SUGP2: variants seen among roughly 807,000 people sequenced by gnomAD.
The protein encoded by SUGP2 is SURP and G-patch domain containing 2.
In SUGP2, 24 loss-of-function variants were observed where a neutral mutation model predicts 90.5. That is an observed-to-expected ratio of 0.27 (90% CI 0.19 to 0.37). The LOEUF (loss-of-function observed/expected upper bound fraction) is 0.37, where lower values mean the gene tolerates loss of function less well. Ranked by LOEUF, SUGP2 falls within the 10% of genes least tolerant of loss-of-function variation. The pLI is 1.00. For synonymous variants in SUGP2, 473 were observed against 513.4 expected, an observed-to-expected ratio of 0.92 and a Z score of 1.06; for missense variants, 1,233 against 1,363.3, an observed-to-expected ratio of 0.90 and a Z score of 1.51.
At chr19:19,010,366 G>A (rs781493726) in intron 4 of SUGP2, 24 bp from the exon 5 acceptor site, 26 of 1,596,656 alleles carry the variant, frequency 1.6e-5, no homozygotes, top group Admixed American at 6.8e-5. Context: ...CAAGCATAAC[G>A]GGACATTTAT....
Position 19,031,030 on chromosome 19 carries a change from T to C in SUGP2, c.42A>G (p.Val14=). The C allele has an allele frequency of 2.5e-6, 4 of 1,614,046 alleles. No individual in the cohort carries two copies. Among genetic ancestry groups the C allele is most frequent in the Non-Finnish European group, 3.4e-6 (4 of 1,180,016 alleles). The change falls in exon 2 of 11, where the codon GTA becomes GTG. Residue 14 remains valine (V), a synonymous_variant. Coordinates refer to ENST00000452918, the MANE Select transcript of SUGP2 (RefSeq NM_001017392.5). ...RRITQETFDA[V]LQEKAKRYHM... The stretch of plus-strand genomic sequence containing the variant: ...GATATCGTTTGGCTTTTTCTTGTAA[T>C]ACAGCATCAAAAGTCTCCTGTGTAA...
intron 10 of SUGP2, 155 bp downstream of exon 10, chr19:18,994,211 T>C (rs996185498): frequency 3.8e-5 from 39 of 1,039,542 alleles, no homozygotes; most frequent in East Asian, 2.0e-4. Context: ...TCCACATCCA[T>C]AGACCCTTTT....
chr19:19,004,962 T>G (rs2058004773), intron 6 of SUGP2, among the ~76,000 whole-genome samples: 1 of 152,224 alleles, frequency 6.6e-6, no homozygotes, highest in South Asian at 2.1e-4. Flanking sequence ...TCTCACCCTT[T>G]CTGGTTACAT....
chr19:19,009,915 G>A lies in SUGP2; in HGVS notation c.2278C>T (p.Pro760Ser). The change falls in exon 5 of 11, where the codon CCA becomes TCA. Residue 760 changes from proline to serine, a missense_variant. By Grantham distance (74) the Pro-to-Ser change is moderately conservative. This residue lies in a region of SUGP2 where 540 missense variants were observed against 542.6 expected (regional missense o/e 1.00). Transcript: ENST00000452918. ...SLEASGPSPK[P>S]AGVDISEAPQ... ...GCTTCAGAGATGTCCACTCCTGCTGGCTTGGGGGATGGGCCTGAGGCTTCT... is the reference window on the plus strand; with the variant it reads ...GCTTCAGAGATGTCCACTCCTGCTGACTTGGGGGATGGGCCTGAGGCTTCT... The A allele has an allele frequency of 6.2e-7, 1 of 1,614,172 alleles. No homozygotes were observed. Among genetic ancestry groups the A allele is most frequent in the South Asian group, 1.1e-5 (1 of 91,080 alleles).
At chr19:19,003,293 C>T (rs911175345) in intron 7 of SUGP2, among the ~76,000 whole-genome samples, 8 of 152,132 alleles carry the variant, frequency 5.3e-5, no homozygotes, top group African/African-American at 1.2e-4. Context: ...TAACACAGTC[C>T]CACAATGGGG....
intron 5 of SUGP2, among the ~76,000 whole-genome samples, chr19:19,009,222 T>A (rs2058207445): frequency 6.6e-6 from 1 of 152,168 alleles, no homozygotes; most frequent in East Asian, 1.9e-4. Context: ...TGATGCCTCC[T>A]GTTTTAAGCC....
rs2145453018 is a variant in SUGP2, at chr19:19,008,350, C to T, written c.2417G>A (p.Ser806Asn). ...AQVGPEIEQF[S>N]IENSTDNPDL... ...AGGGTTATCGGTGCTGTTTTCTATG[C>T]TGAATTGTTCGATCTCTGGTCCCAC... Residue 806 changes from serine to asparagine, a missense_variant, in exon 6 of 11, where the codon AGC becomes AAC. Transcript: ENST00000452918. 1 of 1,614,168 alleles carries T rather than the reference C, an allele frequency of 6.2e-7. No individual in the cohort carries two copies. The highest frequency in any genetic ancestry group is 8.5e-7 in the Non-Finnish European group (1 of 1,180,016).
chr19:19,011,706 G>A (rs190872191), intron 4 of SUGP2, among the ~76,000 whole-genome samples: 2 of 151,858 alleles, frequency 1.3e-5, no homozygotes, highest in Admixed American at 6.6e-5. Context: ...CATACATAAC[G>A]AACTTTTAAG....
intron 3 of SUGP2, among the ~76,000 whole-genome samples, chr19:19,020,583 A>G (rs1319315289): frequency 6.6e-6 from 1 of 151,518 alleles, no homozygotes; most frequent in Admixed American, 6.6e-5. Flanking sequence ...AGCTGGGATT[A>G]CAGACATGCG....
rs188632905 is a variant in SUGP2 at position 19,009,092 on chromosome 19, T to C, written c.2339-664A>G. Among the ~76,000 whole-genome samples, 341 of 152,008 alleles carry C rather than the reference T, an allele frequency of 2.2e-3. 1 individual carries two copies. Among genetic ancestry groups the C allele is most frequent in the South Asian group, 0.017 (81 of 4,804 alleles). ...ACGCCCAGCTAATTTTTTGTATTTT[T>C]AGTAGAGATCGGGTTTCACCATGTT... On this transcript the variant is annotated intron_variant, in intron 5 of 10. Coordinates refer to ENST00000452918, the MANE Select transcript of SUGP2 (RefSeq NM_001017392.5).
chr19:19,011,214 T>G (rs915855734), intron 4 of SUGP2, among the ~76,000 whole-genome samples: 21 of 151,444 alleles, frequency 1.4e-4, no homozygotes, highest in African/African-American at 4.8e-4. Context: ...ATGAGTTGAT[T>G]ACAGCTCACC....
chr19:19,027,004 G>A (rs1213278667), intron 2 of SUGP2, among the ~76,000 whole-genome samples: 1 of 152,190 alleles, frequency 6.6e-6, no homozygotes. Flanking sequence ...AATGGGCCAG[G>A]CACAGTGGCT....
chr19:19,031,265 G>A (rs1404058502), intron 1 of SUGP2, among the ~76,000 whole-genome samples, 183 bp from the exon 2 acceptor site: 1 of 152,080 alleles, frequency 6.6e-6, no homozygotes, highest in Non-Finnish European at 1.5e-5. Context: ...TGGGTGTGGT[G>A]GCTCACACCT....
intron 2 of SUGP2, among the ~76,000 whole-genome samples, chr19:19,030,509 C>G (rs981146593): frequency 6.6e-6 from 1 of 151,972 alleles, no homozygotes; most frequent in Admixed American, 6.6e-5. Context: ...AGTGAAACTC[C>G]GTCTCAAAAC....
At chr19:18,996,057 G>A (rs2057568399) in intron 8 of SUGP2, among the ~76,000 whole-genome samples, 1 of 152,192 alleles carries the variant, frequency 6.6e-6, no homozygotes. Context: ...GCCCAGCTGG[G>A]CAGTCCAAGA....
chr19:18,994,487 C>T lies in SUGP2; in HGVS notation c.3129-1G>A. On this transcript the variant is annotated splice_acceptor_variant, in intron 9 of 10. Coordinates refer to ENST00000452918, the MANE Select transcript of SUGP2 (RefSeq NM_001017392.5). LOFTEE classifies it high-confidence loss of function. ...CCCTTCCCCTTCCGAGGGGGTTCCC[C>T]TAGGGAGTGAAAAAGAGAGTCAGTT... is the stretch of plus-strand genomic sequence containing the variant. The T allele has an allele frequency of 6.2e-7, 1 of 1,613,550 alleles. No homozygotes were observed. Among genetic ancestry groups the T allele is most frequent in the Non-Finnish European group, 8.5e-7 (1 of 1,179,708 alleles).
intron 8 of SUGP2, 142 bp downstream of exon 8, chr19:19,001,471 A>T: frequency 1.2e-6 from 1 of 841,882 alleles, no homozygotes; most frequent in East Asian, 2.6e-5. Context: ...TCCCAAGAGA[A>T]AAGTCTCTGT....
At chr19:19,030,430 C>G (rs543176160) in intron 2 of SUGP2, among the ~76,000 whole-genome samples, 116 of 152,186 alleles carry the variant, frequency 7.6e-4, no homozygotes, top group African/African-American at 2.7e-3. Context: ...GCGGAGGTTG[C>G]AGTGAGCCAA....
intron 2 of SUGP2, among the ~76,000 whole-genome samples, chr19:19,027,755 C>T (rs900708240): frequency 1.3e-5 from 2 of 152,008 alleles, no homozygotes; most frequent in East Asian, 1.9e-4. Flanking sequence ...CTCCTGCCTC[C>T]GCCTCCTGAG....
Sources: allele counts gnomAD v4.1 joint callset (sites outside exome capture counted in the v4.1 genomes callset), GRCh38; gene constraint gnomAD v4.1.1; regional missense constraint gnomAD v4.1.1; transcripts MANE v1.5; gene names NCBI Gene and HGNC (gene_info 2026-07-23, HGNC 2026-07-21).